GNAQ: variants seen among roughly 807,000 people sequenced by gnomAD.
GNAQ encodes the protein guanine nucleotide-binding protein G(q) subunit alpha.
Under a neutral mutation model 43.9 loss-of-function variants are expected in GNAQ, and 8 were observed. That is an observed-to-expected ratio of 0.18 (90% CI 0.11 to 0.33). GNAQ has a LOEUF of 0.33. Ranked by LOEUF, GNAQ falls within the 10% of genes least tolerant of loss-of-function variation. GNAQ has a pLI of 1.00. For missense variants in GNAQ, 158 were observed against 450.8 expected, an observed-to-expected ratio of 0.35 and a Z score of 5.88; for synonymous variants, 155 against 170.7, an observed-to-expected ratio of 0.91 and a Z score of 0.71.
At chr9:77,869,914 T>C (rs1374179228) in intron 2 of GNAQ, among the ~76,000 whole-genome samples, 1 of 152,220 alleles carries the variant, frequency 6.6e-6, no homozygotes, top group Admixed American at 6.5e-5. Context: ...GATAAGTAAA[T>C]GGATGAGTAT....
chr9:77,875,553 G>GA (rs1272650343), intron 2 of GNAQ, among the ~76,000 whole-genome samples: 1 of 152,172 alleles, frequency 6.6e-6, no homozygotes, highest in African/African-American at 2.4e-5. Context: ...TCAGGAATGG[G>GA]AAAAACACCT....
At position 77,732,014 on chromosome 9, in the gene GNAQ, C is replaced by T. The variant is rs146609648; in HGVS notation, c.736-3347G>A. Among the ~76,000 whole-genome samples the T allele has an allele frequency of 2.7e-3, 404 of 152,234 alleles. 1 individual carries two copies. Among genetic ancestry groups the T allele is most frequent in the African/African-American group, 9.2e-3 (382 of 41,548 alleles). On this transcript the variant is annotated intron_variant, in intron 5 of 6. Coordinates refer to ENST00000286548, the MANE Select transcript of GNAQ (RefSeq NM_002072.5). ...ACCGACATGCTCTGTTATCAAGCCCCGGACTAAATCCTAAATGGACTAAAT... is the reference window on the plus strand; with the variant it reads ...ACCGACATGCTCTGTTATCAAGCCCTGGACTAAATCCTAAATGGACTAAAT...
intron 5 of GNAQ, among the ~76,000 whole-genome samples, chr9:77,761,554 T>G (rs1423243270): frequency 8.4e-6 from 1 of 119,558 alleles, no homozygotes. Context: ...GGTGGGGGGG[T>G]CAGCCCCCCG....
At chr9:78,029,277 C>A (rs903474699) in intron 1 of GNAQ, among the ~76,000 whole-genome samples, 5 of 151,904 alleles carry the variant, frequency 3.3e-5, no homozygotes, top group African/African-American at 1.2e-4. Context: ...CAAAGACTGT[C>A]AACAGGGCAA....
intron 1 of GNAQ, among the ~76,000 whole-genome samples, chr9:78,012,238 C>CTTTTTTT (rs1166567926): frequency 7.4e-6 from 1 of 135,174 alleles, no homozygotes; most frequent in Non-Finnish European, 1.6e-5. Context: ...AAGGCATTTT[C>CTTTTTTT]TTTTTTTTTT....
intron 5 of GNAQ, among the ~76,000 whole-genome samples, chr9:77,757,537 G>A (rs894991699): frequency 6.6e-6 from 1 of 152,070 alleles, no homozygotes; most frequent in Non-Finnish European, 1.5e-5. Flanking sequence ...GTATCTCTTA[G>A]AGCCCAGCGT....
intron 5 of GNAQ, among the ~76,000 whole-genome samples, chr9:77,734,297 C>T (rs1825539304): frequency 6.6e-6 from 1 of 152,158 alleles, no homozygotes; most frequent in Admixed American, 6.5e-5. Flanking sequence ...TTAGCAAAGA[C>T]AAATTTAGAC....
chr9:77,857,491 A>G (rs1827773769), intron 2 of GNAQ, among the ~76,000 whole-genome samples: 1 of 140,690 alleles, frequency 7.1e-6, no homozygotes, highest in African/African-American at 2.5e-5. Flanking sequence ...AGAGGAAGAG[A>G]GGAAGAGACA....
At chr9:77,728,307 C>A (rs1825431792) in intron 6 of GNAQ, among the ~76,000 whole-genome samples, 1 of 152,162 alleles carries the variant, frequency 6.6e-6, no homozygotes, top group South Asian at 2.1e-4. Flanking sequence ...GTTTCTTTTT[C>A]TATGACTTTT....
chr9:77,962,586 G>A (rs1313736228), intron 1 of GNAQ, among the ~76,000 whole-genome samples: 1 of 151,990 alleles, frequency 6.6e-6, no homozygotes, highest in East Asian at 1.9e-4. Context: ...ATATACAAGA[G>A]GTCTTCAAAA....
rs753199508 is a variant in GNAQ, at chr9:77,716,411, G to A, written c.*4912C>T. On this transcript the variant is annotated 3_prime_UTR_variant, in exon 7 of 7. Coordinates refer to ENST00000286548, the MANE Select transcript of GNAQ (RefSeq NM_002072.5). Reference sequence around the variant, plus strand: ...GCATTTGAATGACATTTTAGGAACAGTAAATATTCTTTTAAATACTGCAAG... The same window carrying A: ...GCATTTGAATGACATTTTAGGAACAATAAATATTCTTTTAAATACTGCAAG... 4 of 232,490 alleles carry A rather than the reference G, an allele frequency of 1.7e-5. No homozygotes were observed. Among genetic ancestry groups the A allele is most frequent in the Non-Finnish European group, 3.4e-5 (4 of 117,724 alleles). The allele number at this position is 232,490 out of a possible 1,614,324, so 14.4% of individuals were successfully genotyped here. A position where few individuals can be genotyped will look rare whatever the true frequency, so the allele number is the denominator to read the frequency against.
chr9:77,778,042 C>T (rs1007744724), intron 5 of GNAQ, among the ~76,000 whole-genome samples: 7 of 151,894 alleles, frequency 4.6e-5, no homozygotes, highest in African/African-American at 1.7e-4. Context: ...CATGAATGTT[C>T]ACAGCAACAT....
At chr9:78,013,774 G>A (rs773374204) in intron 1 of GNAQ, among the ~76,000 whole-genome samples, 15 of 152,116 alleles carry the variant, frequency 9.9e-5, no homozygotes, top group Non-Finnish European at 1.8e-4. Context: ...CTGCCAGAAT[G>A]CCAAATCCTG....
At chr9:77,740,393 G>A (rs998978953) in intron 5 of GNAQ, among the ~76,000 whole-genome samples, 5 of 152,142 alleles carry the variant, frequency 3.3e-5, no homozygotes, top group African/African-American at 1.2e-4. Context: ...AGCATATGGT[G>A]AGCATTTCCA....
intron 2 of GNAQ, among the ~76,000 whole-genome samples, chr9:77,840,679 C>A (rs1171320791): frequency 6.6e-6 from 1 of 152,050 alleles, no homozygotes; most frequent in Non-Finnish European, 1.5e-5. Flanking sequence ...TTTGGTCTTA[C>A]ATCTGAATCA....
intron 2 of GNAQ, among the ~76,000 whole-genome samples, chr9:77,851,787 G>A (rs971662631): frequency 3.9e-5 from 6 of 152,126 alleles, no homozygotes; most frequent in Admixed American, 1.3e-4. Flanking sequence ...TCTGCCTGCT[G>A]CAAAGACCCC....
intron 3 of GNAQ, among the ~76,000 whole-genome samples, chr9:77,808,078 A>G (rs774753805): frequency 2.6e-5 from 4 of 152,152 alleles, no homozygotes; most frequent in Admixed American, 2.0e-4. Flanking sequence ...TACAAAGAAG[A>G]GGCCAAACTA....
intron 1 of GNAQ, among the ~76,000 whole-genome samples, chr9:77,993,469 C>T (rs1343922199): frequency 1.3e-5 from 2 of 151,962 alleles, no homozygotes; most frequent in African/African-American, 2.4e-5. Context: ...GAGGCTGAGG[C>T]GGGCAGATCA....
intron 5 of GNAQ, among the ~76,000 whole-genome samples, chr9:77,768,918 T>C (rs995738107): frequency 3.3e-5 from 5 of 152,174 alleles, no homozygotes; most frequent in African/African-American, 9.7e-5. Context: ...AAATTCTGAA[T>C]AAACTCACTC....
Sources: allele counts gnomAD v4.1 joint callset (sites outside exome capture counted in the v4.1 genomes callset), GRCh38; gene constraint gnomAD v4.1.1; transcripts MANE v1.5; gene names NCBI Gene and HGNC (gene_info 2026-07-23, HGNC 2026-07-21).